The following PHC3 variants were observed in gnomAD, a reference collection of about 807,000 sequenced individuals.
PHC3 encodes polyhomeotic-like protein 3.
A neutral mutation model predicts 107.4 loss-of-function variants in PHC3; 13 were observed. The observed-to-expected ratio is 0.12, with a 90% CI of 0.08 to 0.19. PHC3 has a LOEUF of 0.19. PHC3 is among the 10% of genes least tolerant of loss of function. PHC3 has a pLI of 1.00. For synonymous variants in PHC3, 456 were observed against 427.4 expected (o/e 1.07, Z -0.83); for missense variants, 992 against 1,210.9 (o/e 0.82, Z 2.68).
intron 4 of PHC3, among the ~76,000 whole-genome samples, chr3:170,162,801 CCT>C (rs1397597269): frequency 8.5e-5 from 13 of 152,240 alleles, no homozygotes; most frequent in Middle Eastern, 3.4e-3. Context: ...ATTACAATTA[CCT>C]CTCTGATGTC....
At chr3:170,172,408 C>T in intron 3 of PHC3, 149 bp downstream of exon 3, 2 of 815,472 alleles carry the variant, frequency 2.5e-6, no homozygotes, top group Non-Finnish European at 1.9e-6. Flanking sequence ...CAATTAACTT[C>T]TATTCGGCAA....
In PHC3 at chr3:170,122,639, T is replaced by C. The variant is rs200453150; in HGVS notation, c.1894A>G (p.Ile632Val). 8.8e-4 allele frequency: 1,424 copies of C among 1,614,008 alleles called. 1 individual carries two copies. Among genetic ancestry groups the C allele is most frequent in the Non-Finnish European group, 1.1e-3 (1,266 of 1,179,884 alleles). The part of the protein sequence containing the change: ...PPPPTLSPAA[I>V]TVGRGEDLTS... The stretch of plus-strand genomic sequence containing the variant: ...AAATCTTCTCCTCTCCCCACTGTTA[T>C]AGCTGCTGGAGACAAAGTGGGTGGT... Residue 632 changes from isoleucine (I) to valine (V), a missense_variant, in exon 9 of 15, where the codon ATA becomes GTA. Ile to Val is a conservative substitution (Grantham distance 29). Transcript: ENST00000495893.
At chr3:170,121,981 G>A (rs1268476809) in intron 9 of PHC3, among the ~76,000 whole-genome samples, 1 of 152,138 alleles carries the variant, frequency 6.6e-6, no homozygotes, top group African/African-American at 2.4e-5. Context: ...GGCTGGGCAT[G>A]GTAGCTCACA....
intron 4 of PHC3, among the ~76,000 whole-genome samples, chr3:170,167,861 A>G (rs1728967069): frequency 6.6e-6 from 1 of 152,144 alleles, no homozygotes; most frequent in African/African-American, 2.4e-5. Flanking sequence ...TATGTTAGAA[A>G]TATTATCAGC....
Position 170,138,222 on chromosome 3 carries a change from T to C in PHC3, c.673-1557A>G, listed in dbSNP as rs535770858. ...AAAAACAAATAAATAAATAAATAAT[T>C]TTTTAAAAAAGCTATACTTCAGGCC... is the stretch of plus-strand genomic sequence containing the variant. On this transcript the variant is annotated intron_variant, in intron 6 of 14. Transcript: ENST00000495893. Among the ~76,000 whole-genome samples the C allele has an allele frequency of 2.6e-5, 4 of 151,734 alleles. No homozygotes were observed. In the East Asian group the frequency reaches 7.8e-4, roughly 30 times the overall value.
intron 4 of PHC3, among the ~76,000 whole-genome samples, chr3:170,158,502 T>C (rs1727260285): frequency 6.6e-6 from 1 of 151,896 alleles, no homozygotes; most frequent in Non-Finnish European, 1.5e-5. Flanking sequence ...CTTGGGAGGC[T>C]GAGGCAGGAG....
In PHC3 at chr3:170,089,485, C is replaced by T. The variant is rs1713849497; in HGVS notation, c.*7745G>A. 6.6e-6 allele frequency: 1 copy of T among 152,172 alleles called. No homozygotes were observed. Among genetic ancestry groups the T allele is most frequent in the Non-Finnish European group, 1.5e-5 (1 of 68,032 alleles). 9.4% of individuals were successfully genotyped at this position (152,172 alleles called of 1,614,324 possible). A position where few individuals can be genotyped will look rare whatever the true frequency, so the allele number is the denominator to read the frequency against. ...TAGAATATTACTGATTCTTACATAT[C>T]TTTAAAAGTTGGATATTTGTAATAG... is the stretch of plus-strand genomic sequence containing the variant. On this transcript the variant is annotated 3_prime_UTR_variant, in exon 15 of 15. Coordinates refer to ENST00000495893, the MANE Select transcript of PHC3 (RefSeq NM_024947.4).
rs1475286344 is a variant in PHC3 at position 170,092,382 on chromosome 3, T to G, written c.*4848A>C. ...ATATTTACTTTTCCTAATACTGTAT[T>G]TGTGCTTATCTAAAGTGGATCACAA... On this transcript the variant is annotated 3_prime_UTR_variant, in exon 15 of 15. Coordinates refer to ENST00000495893, the MANE Select transcript of PHC3 (RefSeq NM_024947.4). 1 of 152,172 alleles carries G rather than the reference T, an allele frequency of 6.6e-6. No individual in the cohort carries two copies. Among genetic ancestry groups the G allele is most frequent in the Non-Finnish European group, 1.5e-5 (1 of 68,016 alleles). The allele number at this position is 152,172 out of a possible 1,614,324, so 9.4% of individuals were successfully genotyped here.
chr3:170,162,067 G>GA (rs1334064818), intron 4 of PHC3, among the ~76,000 whole-genome samples: 1 of 152,136 alleles, frequency 6.6e-6, no homozygotes, highest in African/African-American at 2.4e-5. Flanking sequence ...TAATTTTACA[G>GA]AAAATTGGCA....
At position 170,088,376 on chromosome 3, in the gene PHC3, C is replaced by G. The variant is rs528341302; in HGVS notation, c.*8854G>C. ...CTAAAATTAACAAAATTTTAATAAG[C>G]AAGACGACAAAAAGTACTAATTTAA... is the stretch of plus-strand genomic sequence containing the variant. On this transcript the variant is annotated 3_prime_UTR_variant, in exon 15 of 15. Coordinates refer to ENST00000495893, the MANE Select transcript of PHC3 (RefSeq NM_024947.4). 2 of 152,210 alleles carry G rather than the reference C, an allele frequency of 1.3e-5. No homozygotes were observed. Among genetic ancestry groups the G allele is most frequent in the Admixed American group, 1.3e-4 (2 of 15,286 alleles). The allele number at this position is 152,210 out of a possible 1,614,324, so 9.4% of individuals were successfully genotyped here.
At chr3:170,116,906 G>C (rs1409281729) in intron 10 of PHC3, among the ~76,000 whole-genome samples, 1 of 28,390 alleles carries the variant, frequency 3.5e-5, no homozygotes, top group East Asian at 3.1e-3. Context: ...GCAAGATCCT[G>C]TCTAAAAAAA....
chr3:170,108,155 A>C (rs186331786), intron 11 of PHC3, among the ~76,000 whole-genome samples: 3 of 152,180 alleles, frequency 2.0e-5, no homozygotes, highest in Non-Finnish European at 4.4e-5. Flanking sequence ...AAGTCATATT[A>C]AAAAAAGCAA....
intron 4 of PHC3, among the ~76,000 whole-genome samples, chr3:170,157,629 G>T (rs1727090938): frequency 6.6e-6 from 1 of 152,118 alleles, no homozygotes; most frequent in Non-Finnish European, 1.5e-5. Flanking sequence ...AATAGAGGAT[G>T]AGGACACTAG....
chr3:170,133,308 A>C (rs1488024495), intron 7 of PHC3, among the ~76,000 whole-genome samples: 1 of 151,796 alleles, frequency 6.6e-6, no homozygotes, highest in Non-Finnish European at 1.5e-5. Flanking sequence ...CCTCCAGAGT[A>C]GCTGGAATTA....
intron 4 of PHC3, among the ~76,000 whole-genome samples, chr3:170,157,546 A>C (rs1727082162): frequency 6.6e-6 from 1 of 152,226 alleles, no homozygotes; most frequent in African/African-American, 2.4e-5. Context: ...ACACCCAATC[A>C]CTTAAAATTA....
intron 1 of PHC3, among the ~76,000 whole-genome samples, chr3:170,181,407 G>A (rs761594893): frequency 7.2e-4 from 109 of 152,264 alleles, no homozygotes; most frequent in Non-Finnish European, 8.7e-4. Context: ...ACCCGGGCTC[G>A]TTCCCCGGAA....
chr3:170,176,755 T>C lies in PHC3; in HGVS notation c.180+2018A>G, dbSNP rs1730549592. On this transcript the variant is annotated intron_variant, in intron 2 of 14. Transcript: ENST00000495893. ...CAATTATTCAATAAGTATTAGCTAT[T>C]ACTATCTACTGGAAACCTATAATGT... 1.1e-5 allele frequency: 3 copies of C among 269,250 alleles called. No individual in the cohort carries two copies. In the South Asian group the frequency reaches 1.1e-4, roughly 10 times the overall value. 16.7% of individuals were successfully genotyped at this position (269,250 alleles called of 1,614,324 possible).
rs1425302366 is a variant in PHC3 at position 170,117,216 on chromosome 3, T to G, written c.2193+10A>C. ...TTACAAACACACACACAAATATGCT[T>G]GCTACTTACAGGAAATGGCTCCAAT... On this transcript the variant is annotated intron_variant, in intron 10 of 14. Coordinates refer to ENST00000495893, the MANE Select transcript of PHC3 (RefSeq NM_024947.4). 1 of 1,613,960 alleles carries G rather than the reference T, an allele frequency of 6.2e-7. No homozygotes were observed.
chr3:170,097,404 C>T lies in PHC3; in HGVS notation c.2834-20G>A, dbSNP rs765527970. The T allele has an allele frequency of 6.2e-7, 1 of 1,606,674 alleles. No individual in the cohort carries two copies. Among genetic ancestry groups the T allele is most frequent in the Non-Finnish European group, 8.5e-7 (1 of 1,175,242 alleles). On this transcript the variant is annotated intron_variant, in intron 14 of 14. Coordinates refer to ENST00000495893, the MANE Select transcript of PHC3 (RefSeq NM_024947.4). The surrounding 1 kb of genome is among the most constrained non-coding windows in gnomAD (Gnocchi z 4.1). ...GGCAGCCTGGAATTTGACCAGAGGA[C>T]AGAAGTTAGAATTAAATATACAACA...
Sources: allele counts gnomAD v4.1 joint callset (sites outside exome capture counted in the v4.1 genomes callset), GRCh38; gene constraint gnomAD v4.1.1; non-coding constraint Gnocchi (gnomAD v3.1); transcripts MANE v1.5; gene names NCBI Gene and HGNC (gene_info 2026-07-23, HGNC 2026-07-21).